The following INSL6 variants were observed in gnomAD, a reference collection of about 807,000 sequenced individuals.
INSL6 encodes the protein insulin-like peptide INSL6.
INSL6 carries 16 observed loss-of-function variants against 9.4 expected under a neutral mutation model. That is an observed-to-expected ratio of 1.70 (90% confidence interval 1.15 to 2.59). The LOEUF (loss-of-function observed/expected upper bound fraction) is 2.59. INSL6 is among the 30% of genes most tolerant of loss of function. The pLI, the probability that INSL6 is intolerant of heterozygous loss-of-function variation, is 0.00. For synonymous variants in INSL6, 154 were observed against 96.9 expected, an observed-to-expected ratio of 1.59 and a Z score of -3.46; for missense variants, 391 against 257.3, an observed-to-expected ratio of 1.52 and a Z score of -3.56.
chr9:5,080,098 C>A, the INSL6 span: 2 of 677,428 alleles, frequency 3.0e-6, no homozygotes, highest in Non-Finnish European at 4.9e-6. Context: ...TGCATGTGCA[C>A]ATCCAACCCC....
the INSL6 span, among the ~76,000 whole-genome samples, chr9:5,062,631 G>T: frequency 1.3e-5 from 2 of 151,686 alleles, no homozygotes; most frequent in Non-Finnish European, 2.9e-5. Flanking sequence ...TAGTTCAAAG[G>T]GTATGAATAT....
the INSL6 span, chr9:5,080,326 G>T: frequency 6.2e-7 from 1 of 1,613,874 alleles, no homozygotes; most frequent in African/African-American, 1.3e-5. Flanking sequence ...GTACCACTTT[G>T]TGGGAAATCT....
chr9:5,020,519 G>A, the INSL6 span, among the ~76,000 whole-genome samples: 1 of 152,182 alleles, frequency 6.6e-6, no homozygotes, highest in African/African-American at 2.4e-5. Flanking sequence ...CCTGATGCTG[G>A]GGAGGGTGCA....
chr9:5,039,263 C>G, the INSL6 span, among the ~76,000 whole-genome samples: 2 of 152,036 alleles, frequency 1.3e-5, no homozygotes, highest in Admixed American at 6.5e-5. Flanking sequence ...TGGATTAAAC[C>G]AACTGCAGAT....
the INSL6 span, among the ~76,000 whole-genome samples, chr9:5,045,916 C>T: frequency 0.62 from 94,192 of 151,998 alleles, 31,380 homozygotes; most frequent in African/African-American, 0.88. Context: ...GAAATGGAAT[C>T]GCTGGATCAT....
the INSL6 span, among the ~76,000 whole-genome samples, chr9:5,033,210 G>C: frequency 6.6e-6 from 1 of 152,116 alleles, no homozygotes; most frequent in Admixed American, 6.6e-5. Context: ...GGAATAAAAG[G>C]AAACAAACAA....
the INSL6 span, chr9:5,099,093 AC>A: frequency 6.6e-6 from 1 of 152,172 alleles, no homozygotes; most frequent in African/African-American, 2.4e-5. Context: ...CAACAGAAAT[AC>A]CCATCCATAT....
intron 2 of INSL6, among the ~76,000 whole-genome samples, chr9:5,154,614 A>C (rs957435933): frequency 6.6e-6 from 1 of 152,234 alleles, no homozygotes; most frequent in African/African-American, 2.4e-5. Context: ...GATGAACTCA[A>C]ACAAATTTAC....
the INSL6 span, among the ~76,000 whole-genome samples, chr9:5,010,920 G>A: frequency 0.089 from 13,490 of 152,114 alleles, 1,754 homozygotes; most frequent in African/African-American, 0.29. Flanking sequence ...GTAGAATTCT[G>A]GGTTGACAGC....
chr9:5,121,201 T>A (rs187687161), downstream of INSL6, among the ~76,000 whole-genome samples: 3 of 152,100 alleles, frequency 2.0e-5, no homozygotes, highest in African/African-American at 7.2e-5. Context: ...AATTTTATGA[T>A]TGAGTAAGCA....
downstream of INSL6, among the ~76,000 whole-genome samples, chr9:5,160,029 A>G (rs1286225025): frequency 6.6e-6 from 1 of 152,040 alleles, no homozygotes; most frequent in Non-Finnish European, 1.5e-5. Flanking sequence ...TACAAAAATT[A>G]GCCAGGTGTG....
At chr9:5,175,333 A>G (rs1330342472) in intron 1 of INSL6, among the ~76,000 whole-genome samples, 3 of 152,064 alleles carry the variant, frequency 2.0e-5, no homozygotes, top group African/African-American at 7.2e-5. Flanking sequence ...CTTCACTTCT[A>G]TCATCCTCAT....
downstream of INSL6, among the ~76,000 whole-genome samples, chr9:5,163,570 G>A (rs1309828314): frequency 6.6e-6 from 1 of 152,176 alleles, no homozygotes; most frequent in East Asian, 1.9e-4. Flanking sequence ...ATGGGCATCA[G>A]TTTGTGTGTC....
At chr9:5,098,592 T>C in the INSL6 span, 3 of 152,206 alleles carry the variant, frequency 2.0e-5, no homozygotes, top group African/African-American at 7.2e-5. Flanking sequence ...GTATTCTGTA[T>C]AAAACAGATG....
chr9:5,035,059 C>T, the INSL6 span, among the ~76,000 whole-genome samples: 37,229 of 151,942 alleles, frequency 0.25, 4,663 homozygotes, highest in Middle Eastern at 0.27. Flanking sequence ...GATATCAACC[C>T]GATCCCACAG....
At chr9:5,052,706 GTCTC>G in the INSL6 span, among the ~76,000 whole-genome samples, 2 of 151,988 alleles carry the variant, frequency 1.3e-5, no homozygotes, top group African/African-American at 4.8e-5. Context: ...GGATTTTCCT[GTCTC>G]AAACATTTCA....
chr9:5,024,053 G>A, the INSL6 span, among the ~76,000 whole-genome samples: 11 of 152,048 alleles, frequency 7.2e-5, no homozygotes, highest in East Asian at 5.8e-4. Context: ...TCAGGAGATC[G>A]AGATCATCCT....
the INSL6 span, chr9:5,041,825 G>A: frequency 2.1e-6 from 1 of 482,224 alleles, no homozygotes; most frequent in Non-Finnish European, 4.1e-6. Context: ...ACCAGGCGCT[G>A]AACTCCACCA....
chr9:5,044,856 T>C, the INSL6 span, among the ~76,000 whole-genome samples: 1 of 152,196 alleles, frequency 6.6e-6, no homozygotes, highest in Admixed American at 6.5e-5. Flanking sequence ...ATTAGTAACA[T>C]TTCTTTATGG....
Sources: gnomAD v4.1 joint callset for allele counts (sites outside exome capture counted in the v4.1 genomes callset) on GRCh38, gnomAD v4.1.1 for gene constraint, MANE v1.5 for transcripts, NCBI Gene and HGNC (gene_info 2026-07-23, HGNC 2026-07-21) for gene names.